The following TNNI3K variants were observed in gnomAD, a reference collection of about 807,000 sequenced individuals.
TNNI3K encodes the protein serine/threonine-protein kinase TNNI3K.
A neutral mutation model predicts 114.5 loss-of-function variants in TNNI3K; 140 were observed. That is an observed-to-expected ratio of 1.22 (90% CI 1.07 to 1.41). The LOEUF (loss-of-function observed/expected upper bound fraction) is 1.41, where lower values mean the gene tolerates loss of function less well. Ranked by LOEUF, TNNI3K falls within the 40% of genes most tolerant of loss-of-function variation. The pLI, the probability that TNNI3K is intolerant of heterozygous loss-of-function variation, is 0.00. For missense variants in TNNI3K, 1,125 were observed against 1,007.6 expected, an observed-to-expected ratio of 1.12 and a Z score of -1.58; for synonymous variants, 347 against 347.5, an observed-to-expected ratio of 1.00 and a Z score of 0.02.
rs1282168067 is a variant in TNNI3K at position 74,270,598 on chromosome 1, G to A, written c.334-1000G>A. On this transcript the variant is annotated intron_variant, in intron 4 of 24. Coordinates refer to ENST00000326637, the MANE Select transcript of TNNI3K (RefSeq NM_015978.3). ...GAATTTCTTGTAGGCCTTTATGCAG[G>A]TGTGACAGCATTAAGAAATCAAACT... Among the ~76,000 whole-genome samples the A allele has an allele frequency of 3.3e-4, 50 of 151,684 alleles. 1 individual carries two copies. Among genetic ancestry groups the A allele is most frequent in the Non-Finnish European group, 1.5e-5 (1 of 67,796 alleles).
At chr1:74,254,006 A>G (rs975304753) in intron 4 of TNNI3K, among the ~76,000 whole-genome samples, 4 of 152,240 alleles carry the variant, frequency 2.6e-5, no homozygotes, top group Non-Finnish European at 5.9e-5. Context: ...CAGTAAGTAT[A>G]TAATTCATTT....
At chr1:74,383,032 G>T (rs929733150) in intron 17 of TNNI3K, among the ~76,000 whole-genome samples, 1 of 151,860 alleles carries the variant, frequency 6.6e-6, no homozygotes. Flanking sequence ...TTAAAGGAAA[G>T]GATTGATTAC....
intron 17 of TNNI3K, among the ~76,000 whole-genome samples, chr1:74,425,909 A>G: frequency 6.6e-6 from 1 of 152,060 alleles, no homozygotes; most frequent in East Asian, 1.9e-4. Flanking sequence ...TCCTGTGACT[A>G]ATACTTCTAG....
At chr1:74,484,110 C>G (rs1668634853) in intron 21 of TNNI3K, among the ~76,000 whole-genome samples, 1 of 150,096 alleles carries the variant, frequency 6.7e-6, no homozygotes, top group African/African-American at 2.5e-5. Flanking sequence ...TAAACTTTAC[C>G]TTTATTTTAA....
Position 74,235,424 on chromosome 1 carries a change from C to T in TNNI3K, c.-28C>T. Reference sequence around the variant, plus strand: ...GGAATCTTATAACTTGAAGAACTGCCCTGGAGAAAGGAAGAAACTTATAAT... The same window carrying T: ...GGAATCTTATAACTTGAAGAACTGCTCTGGAGAAAGGAAGAAACTTATAAT... On this transcript the variant is annotated 5_prime_UTR_variant, in exon 1 of 25. Transcript: ENST00000326637. The T allele has an allele frequency of 1.3e-6, 2 of 1,490,856 alleles. No individual in the cohort carries two copies. Among genetic ancestry groups the T allele is most frequent in the Non-Finnish European group, 1.8e-6 (2 of 1,089,414 alleles). The allele number at this position is 1,490,856 out of a possible 1,614,324, so 92.4% of individuals were successfully genotyped here. A position where few individuals can be genotyped will look rare whatever the true frequency, so the allele number is the denominator to read the frequency against.
intron 6 of TNNI3K, among the ~76,000 whole-genome samples, chr1:74,334,007 G>A (rs1660345055): frequency 6.6e-6 from 1 of 152,180 alleles, no homozygotes; most frequent in Admixed American, 6.6e-5. Flanking sequence ...AAATGCACAT[G>A]CTCCAAGTTG....
intron 23 of TNNI3K, among the ~76,000 whole-genome samples, chr1:74,518,504 C>T (rs1397253455): frequency 6.6e-6 from 1 of 152,112 alleles, no homozygotes; most frequent in Non-Finnish European, 1.5e-5. Flanking sequence ...TCTCCCACCT[C>T]AATATGCCTT....
chr1:74,502,335 C>A (rs1265651347), intron 23 of TNNI3K, among the ~76,000 whole-genome samples: 4 of 152,144 alleles, frequency 2.6e-5, no homozygotes, highest in Non-Finnish European at 5.9e-5. Flanking sequence ...ATAATGACTT[C>A]CCACAAACAT....
intron 20 of TNNI3K, among the ~76,000 whole-genome samples, chr1:74,441,605 A>G (rs2100673920): frequency 6.6e-6 from 1 of 152,222 alleles, no homozygotes; most frequent in South Asian, 2.1e-4. Context: ...TTCCAACAGT[A>G]GTCGGTGAGA....
rs1198097835 is a variant in TNNI3K at position 74,320,828 on chromosome 1, A to G, written c.445-10622A>G. On this transcript the variant is annotated intron_variant, in intron 5 of 24. Coordinates refer to ENST00000326637, the MANE Select transcript of TNNI3K (RefSeq NM_015978.3). The stretch of plus-strand genomic sequence containing the variant: ...TAGAGGCAAATCACTTTGGTTTTCA[A>G]AATACTTTTGGCAGAAGATATTTTT... Among the ~76,000 whole-genome samples, 7 of 152,174 alleles carry G rather than the reference A, an allele frequency of 4.6e-5. No homozygotes were observed. The East Asian group carries it at 1.3e-3, about 29-fold the overall frequency.
chr1:74,267,634 T>C (rs1387334979), intron 4 of TNNI3K, among the ~76,000 whole-genome samples: 1 of 151,926 alleles, frequency 6.6e-6, no homozygotes, highest in Admixed American at 6.6e-5. Context: ...TAGTAAGCAA[T>C]TTATATGCAG....
At chr1:74,272,593 C>G (rs963143313) in intron 5 of TNNI3K, among the ~76,000 whole-genome samples, 1 of 151,596 alleles carries the variant, frequency 6.6e-6, no homozygotes, top group Non-Finnish European at 1.5e-5. Flanking sequence ...GTGGAGTGAG[C>G]GGAGGAAGAA....
At chr1:74,319,099 C>T (rs1659471076) in intron 5 of TNNI3K, among the ~76,000 whole-genome samples, 1 of 152,234 alleles carries the variant, frequency 6.6e-6, no homozygotes, top group Non-Finnish European at 1.5e-5. Flanking sequence ...TAGGGAGTAT[C>T]TCTCAGAAGA....
intron 17 of TNNI3K, among the ~76,000 whole-genome samples, chr1:74,413,592 A>T (rs1664987701): frequency 2.0e-5 from 3 of 152,180 alleles, no homozygotes; most frequent in Non-Finnish European, 2.9e-5. Context: ...CATTACCTTT[A>T]ATAAAACTAA....
intron 17 of TNNI3K, among the ~76,000 whole-genome samples, chr1:74,420,847 AG>A (rs1312917142): frequency 4.6e-5 from 7 of 152,178 alleles, no homozygotes; most frequent in Admixed American, 2.0e-4. Flanking sequence ...TAGATAGAAA[AG>A]AATGGCTGCT....
At chr1:74,470,543 G>GA (rs1450998971) in intron 21 of TNNI3K, 2 of 400,558 alleles carry the variant, frequency 5.0e-6, no homozygotes, top group Admixed American at 8.8e-5. Context: ...TTTTGGTATG[G>GA]AATTGAATTT....
At position 74,300,557 on chromosome 1, in the gene TNNI3K, T is replaced by C. The variant is rs549864535; in HGVS notation, c.444+28849T>C. Among the ~76,000 whole-genome samples, 9 of 152,278 alleles carry C rather than the reference T, an allele frequency of 5.9e-5. No homozygotes were observed. The South Asian group carries it at 1.5e-3, about 25-fold the overall frequency. On this transcript the variant is annotated intron_variant, in intron 5 of 24. Transcript: ENST00000326637. ...AGGCAGAAGAGAGCCTAGAGAGCAA[T>C]ATAAAATGCAAAGATCTTAAGCCTA...
chr1:74,384,322 AAC>A (rs1351295090), intron 17 of TNNI3K, among the ~76,000 whole-genome samples: 1 of 152,184 alleles, frequency 6.6e-6, no homozygotes, highest in Non-Finnish European at 1.5e-5. Context: ...GCCTATAAAA[AAC>A]AATGAGAAAG....
rs902896484 is a variant in TNNI3K at position 74,280,837 on chromosome 1, C to G, written c.444+9129C>G. Among the ~76,000 whole-genome samples the G allele has an allele frequency of 2.0e-5, 3 of 152,048 alleles. No individual in the cohort carries two copies. The South Asian group carries it at 6.2e-4, about 31-fold the overall frequency. ...GGGGTGCACGTGACCCAGTGAGACA[C>G]CAGCGGTGGTGACCAAGGGAGTACT... is the stretch of plus-strand genomic sequence containing the variant. On this transcript the variant is annotated intron_variant, in intron 5 of 24. Transcript: ENST00000326637.
Sources: allele counts gnomAD v4.1 joint callset (sites outside exome capture counted in the v4.1 genomes callset), GRCh38; gene constraint gnomAD v4.1.1; transcripts MANE v1.5; gene names NCBI Gene and HGNC (gene_info 2026-07-23, HGNC 2026-07-21).